SMC2: variants seen among roughly 807,000 people sequenced by gnomAD.
The protein encoded by SMC2 is structural maintenance of chromosomes protein 2.
Under a neutral mutation model 142.6 loss-of-function variants are expected in SMC2, and 41 were observed. That is an observed-to-expected ratio of 0.29 (90% CI 0.22 to 0.37). SMC2 has a LOEUF of 0.37. Ranked by LOEUF, SMC2 falls within the 10% of genes least tolerant of loss-of-function variation. The pLI, the probability that SMC2 is intolerant of heterozygous loss-of-function variation, is 1.00. For missense variants in SMC2, 1,265 were observed against 1,373.7 expected (o/e 0.92, Z 1.25); for synonymous variants, 463 against 457.5 (o/e 1.01, Z -0.15).
chr9:104,088,505 C>T, the SMC2 span, among the ~76,000 whole-genome samples: 4 of 152,090 alleles, frequency 2.6e-5, no homozygotes, highest in Admixed American at 2.6e-4. Flanking sequence ...TTTAAATACA[C>T]ATAGAAATAC....
At chr9:104,101,669 A>G (rs77545671) in intron 7 of SMC2, among the ~76,000 whole-genome samples, 8,623 of 152,220 alleles carry the variant, frequency 0.057, 654 homozygotes, top group African/African-American at 0.18. Context: ...ATAGTGTAAC[A>G]TGGTGGGTGT....
chr9:104,103,862 C>T (rs868164445), intron 9 of SMC2, among the ~76,000 whole-genome samples: 5 of 151,918 alleles, frequency 3.3e-5, no homozygotes, highest in Admixed American at 6.5e-5. Context: ...GCGATATGAA[C>T]GTGTTGTAGC....
At chr9:104,125,764 T>TTA (rs1834199152) in intron 18 of SMC2, among the ~76,000 whole-genome samples, 2 of 152,330 alleles carry the variant, frequency 1.3e-5, no homozygotes, top group South Asian at 4.1e-4. Context: ...TGATACTTTG[T>TTA]TATATCTTTT....
At chr9:104,107,882 T>C (rs959424232) in intron 9 of SMC2, among the ~76,000 whole-genome samples, 7 of 152,210 alleles carry the variant, frequency 4.6e-5, no homozygotes, top group African/African-American at 1.7e-4. Flanking sequence ...CTGCTTTCGC[T>C]GAGTAACTTA....
In SMC2 at chr9:104,113,992, G is replaced by A. The variant is rs760770561; in HGVS notation, c.1443G>A (p.Lys481=). 1.3e-6 allele frequency: 2 copies of A among 1,591,342 alleles called. No homozygotes were observed. The highest frequency in any genetic ancestry group is 1.7e-6 in the Non-Finnish European group (2 of 1,173,038). The change falls in exon 12 of 25, where the codon AAG becomes AAA. Residue 481 remains lysine, a synonymous_variant. Transcript: ENST00000374793. ...ATAAAGAGGAAAGCCTTTTGGAAAA[G>A]CGCAGGCAGCTGTCTCGTGATATTG... is the stretch of plus-strand genomic sequence containing the variant. ...EENKEESLLE[K]RRQLSRDIGR... is the part of the protein sequence containing the mutation.
chr9:104,139,388 T>G lies in SMC2; in HGVS notation c.*73T>G. 1 of 1,230,858 alleles carries G rather than the reference T, an allele frequency of 8.1e-7. No individual in the cohort carries two copies. Among genetic ancestry groups the G allele is most frequent in the Non-Finnish European group, 1.1e-6 (1 of 886,190 alleles). 76.2% of individuals were successfully genotyped at this position (1,230,858 alleles called of 1,614,324 possible). On this transcript the variant is annotated 3_prime_UTR_variant, in exon 25 of 25. Coordinates refer to ENST00000374793, the MANE Select transcript of SMC2 (RefSeq NM_006444.3). ...TTTTAAGGACTTGAGATAACTAATTTGTTTATATACAAAAATTAATGTTAC... is the reference window on the plus strand; with the variant it reads ...TTTTAAGGACTTGAGATAACTAATTGGTTTATATACAAAAATTAATGTTAC...
At chr9:104,104,012 T>A (rs1193543826) in intron 9 of SMC2, among the ~76,000 whole-genome samples, 2 of 152,162 alleles carry the variant, frequency 1.3e-5, no homozygotes, top group Non-Finnish European at 2.9e-5. Context: ...GTCCTTAAGC[T>A]TCACACACTG....
In SMC2 at chr9:104,130,107, C is replaced by T. The variant is rs535829754; in HGVS notation, c.2991+262C>T. Among the ~76,000 whole-genome samples the T allele has an allele frequency of 6.6e-5, 10 of 152,228 alleles. 1 individual carries two copies. Among genetic ancestry groups the T allele is most frequent in the Non-Finnish European group, 1.2e-4 (8 of 68,006 alleles). ...CAAACATAATTCCTCACATTTCTAT[C>T]ATTTCATTTCTTTCACTTGCATTGA... On this transcript the variant is annotated intron_variant, in intron 21 of 24. Transcript: ENST00000374793.
chr9:104,106,486 C>T (rs896120077), intron 9 of SMC2, among the ~76,000 whole-genome samples: 7 of 152,236 alleles, frequency 4.6e-5, no homozygotes, highest in South Asian at 2.1e-4. Flanking sequence ...CTCCACCCCC[C>T]GGGCTGAAGC....
intron 3 of SMC2, among the ~76,000 whole-genome samples, chr9:104,097,415 G>C (rs1830567729): frequency 1.1e-5 from 1 of 94,164 alleles, no homozygotes; most frequent in Non-Finnish European, 2.3e-5. Flanking sequence ...CCAAGATTTT[G>C]TTTTTAAAAA....
At position 104,139,911 on chromosome 9, in the gene SMC2, C is replaced by G. The variant is rs190759169; in HGVS notation, c.*596C>G. 1 of 151,670 alleles carries G rather than the reference C, an allele frequency of 6.6e-6. No individual in the cohort carries two copies. Among genetic ancestry groups the G allele is most frequent in the African/African-American group, 2.4e-5 (1 of 41,140 alleles). 9.4% of individuals were successfully genotyped at this position (151,670 alleles called of 1,614,324 possible). A position where few individuals can be genotyped will look rare whatever the true frequency, so the allele number is the denominator to read the frequency against. On this transcript the variant is annotated 3_prime_UTR_variant, in exon 25 of 25. Transcript: ENST00000374793. ...GATACATGAATATCATGTTCCTATACGCTTAATAATTGGTCTCTACGTTTT... is the reference window on the plus strand; with the variant it reads ...GATACATGAATATCATGTTCCTATAGGCTTAATAATTGGTCTCTACGTTTT...
At chr9:104,115,274 T>A (rs1832959585) in intron 13 of SMC2, among the ~76,000 whole-genome samples, 1 of 151,432 alleles carries the variant, frequency 6.6e-6, no homozygotes, top group South Asian at 2.1e-4. Flanking sequence ...TTTATATATA[T>A]ATTTAAAATG....
chr9:104,115,846 T>C (rs1203085869), intron 13 of SMC2, among the ~76,000 whole-genome samples: 1 of 152,178 alleles, frequency 6.6e-6, no homozygotes, highest in Non-Finnish European at 1.5e-5. Context: ...ACCTATGACC[T>C]ACTTCTACCC....
intron 4 of SMC2, 92 bp from the exon 5 acceptor site, chr9:104,099,552 C>G (rs535408187): frequency 6.2e-5 from 50 of 810,618 alleles, no homozygotes; most frequent in Middle Eastern, 2.2e-4. Flanking sequence ...TATTGAGATA[C>G]AACAGCTTCA....
At chr9:104,122,797 AT>A (rs937794471) in intron 16 of SMC2, among the ~76,000 whole-genome samples, 1 of 151,294 alleles carries the variant, frequency 6.6e-6, no homozygotes, top group Non-Finnish European at 1.5e-5. Context: ...AGTTGGTTTG[AT>A]TTTTTTTTCT....
chr9:104,104,875 G>A (rs1216171770), intron 9 of SMC2, among the ~76,000 whole-genome samples: 1 of 152,218 alleles, frequency 6.6e-6, no homozygotes, highest in African/African-American at 2.4e-5. Context: ...GTGCCCAGGA[G>A]GACCACAGGC....
chr9:104,135,963 A>G, intron 23 of SMC2: 1 of 517,088 alleles, frequency 1.9e-6, no homozygotes, highest in Non-Finnish European at 3.9e-6. Context: ...AAAGGAAAGA[A>G]GAGTGTTGGA....
chr9:104,102,927 T>G (rs2131326364), intron 9 of SMC2, among the ~76,000 whole-genome samples: 1 of 152,168 alleles, frequency 6.6e-6, no homozygotes, highest in South Asian at 2.1e-4. Flanking sequence ...GAAGAACGGG[T>G]TTGATAAGCT....
chr9:104,094,355 GTGT>G lies in SMC2; in HGVS notation c.-180_-178del, dbSNP rs1367956560. ...GCGGGTGTTGAGAGCGGTGTGGCAG[GTGT>G]TGTAGCCGCTATGGTGAAGTTCGCT... On this transcript the variant is annotated 5_prime_UTR_variant, in exon 1 of 25. Transcript: ENST00000374793. The G allele has an allele frequency of 1.0e-5, 4 of 398,692 alleles. No individual in the cohort carries two copies. The highest frequency in any genetic ancestry group is 4.4e-5 in the Admixed American group (1 of 22,728). 24.7% of individuals were successfully genotyped at this position (398,692 alleles called of 1,614,324 possible).
Sources: allele counts gnomAD v4.1 joint callset (sites outside exome capture counted in the v4.1 genomes callset), GRCh38; gene constraint gnomAD v4.1.1; transcripts MANE v1.5; gene names NCBI Gene and HGNC (gene_info 2026-07-23, HGNC 2026-07-21).